EFCAB11: variants seen among roughly 807,000 people sequenced by gnomAD.
The protein encoded by EFCAB11 is EF-hand calcium-binding domain-containing protein 11.
EFCAB11 carries 14 observed loss-of-function variants against 23.0 expected under a neutral mutation model. The observed-to-expected ratio is 0.61, with a 90% CI of 0.40 to 0.95. The LOEUF (loss-of-function observed/expected upper bound fraction) is 0.95, where lower values mean the gene tolerates loss of function less well. Among genes scored for constraint, EFCAB11 ranks in the 40% least tolerant of loss-of-function variants. EFCAB11 has a pLI of 0.00. For synonymous variants in EFCAB11, 65 were observed against 66.6 expected (o/e 0.98, Z 0.11); for missense variants, 198 against 195.8 (o/e 1.01, Z -0.07).
intron 5 of EFCAB11, among the ~76,000 whole-genome samples, chr14:89,860,129 C>T (rs1330093487): frequency 2.6e-5 from 4 of 151,978 alleles, no homozygotes; most frequent in African/African-American, 4.8e-5. Context: ...TTTGGGAGGC[C>T]GAGGCAGGTG....
intron 5 of EFCAB11, among the ~76,000 whole-genome samples, chr14:89,904,656 A>G (rs1007729213): frequency 6.6e-4 from 100 of 152,234 alleles, no homozygotes; most frequent in African/African-American, 2.1e-3. Context: ...TGACTTTTTA[A>G]TGATCGCCAT....
At chr14:89,928,727 TG>T (rs1261445417) in intron 5 of EFCAB11, among the ~76,000 whole-genome samples, 1 of 145,286 alleles carries the variant, frequency 6.9e-6, no homozygotes, top group East Asian at 2.0e-4. Flanking sequence ...TATATAATTC[TG>T]TTGTATATAA....
At chr14:89,935,397 G>GT (rs60594341) in intron 3 of EFCAB11, among the ~76,000 whole-genome samples, 51,670 of 135,688 alleles carry the variant, frequency 0.38, 12,039 homozygotes, top group Non-Finnish European at 0.53. Flanking sequence ...ATGCATGTGG[G>GT]TTTTTTTTTT....
intron 5 of EFCAB11, among the ~76,000 whole-genome samples, chr14:89,814,307 C>T (rs1033721848): frequency 7.9e-5 from 12 of 152,228 alleles, no homozygotes; most frequent in African/African-American, 2.4e-4. Context: ...CGGTCTGGTC[C>T]GCTGGGACAA....
intron 5 of EFCAB11, among the ~76,000 whole-genome samples, chr14:89,909,100 G>C (rs867387791): frequency 6.6e-6 from 1 of 152,214 alleles, no homozygotes; most frequent in African/African-American, 2.4e-5. Context: ...GCTAGAGAAA[G>C]GGAGCTGATG....
intron 3 of EFCAB11, among the ~76,000 whole-genome samples, chr14:89,935,842 C>T (rs1011149973): frequency 9.9e-5 from 15 of 152,046 alleles, no homozygotes; most frequent in African/African-American, 3.6e-4. Context: ...AACCTATCTC[C>T]ACTAAAAATA....
intron 5 of EFCAB11, among the ~76,000 whole-genome samples, chr14:89,902,038 T>G (rs1042832102): frequency 3.9e-5 from 6 of 151,978 alleles, no homozygotes; most frequent in African/African-American, 1.5e-4. Flanking sequence ...AAGAAAGAGG[T>G]AGCACCCATG....
intron 5 of EFCAB11, among the ~76,000 whole-genome samples, chr14:89,864,718 C>T (rs1385181766): frequency 2.0e-5 from 3 of 152,146 alleles, no homozygotes; most frequent in Admixed American, 6.5e-5. Context: ...GGATTACAGG[C>T]GTGAGCCACT....
intron 5 of EFCAB11, among the ~76,000 whole-genome samples, chr14:89,804,735 C>T (rs943039412): frequency 2.6e-5 from 4 of 152,134 alleles, no homozygotes; most frequent in African/African-American, 7.2e-5. Flanking sequence ...CAGACTATTC[C>T]TCTACTTGCA....
chr14:89,851,179 C>G (rs1053745786), intron 5 of EFCAB11, among the ~76,000 whole-genome samples: 1 of 152,206 alleles, frequency 6.6e-6, no homozygotes, highest in African/African-American at 2.4e-5. Context: ...ATAGGACATT[C>G]CTATTTGGCC....
chr14:89,902,888 G>A (rs1184359364), intron 5 of EFCAB11, among the ~76,000 whole-genome samples: 2 of 152,054 alleles, frequency 1.3e-5, no homozygotes, highest in Non-Finnish European at 2.9e-5. Context: ...TACTTTTCTA[G>A]CAATGATATT....
At chr14:89,922,874 T>C (rs947930471) in intron 5 of EFCAB11, among the ~76,000 whole-genome samples, 4 of 152,110 alleles carry the variant, frequency 2.6e-5, no homozygotes, top group East Asian at 1.9e-4. Context: ...AATTTCCTTT[T>C]TGGGGGTTGC....
intron 3 of EFCAB11, among the ~76,000 whole-genome samples, chr14:89,939,890 C>A (rs923086846): frequency 2.6e-5 from 4 of 152,146 alleles, no homozygotes; most frequent in African/African-American, 4.8e-5. Context: ...AGGCACCCAC[C>A]ACCACGCCCA....
intron 5 of EFCAB11, among the ~76,000 whole-genome samples, chr14:89,908,852 G>T (rs1348203274): frequency 6.6e-6 from 1 of 152,172 alleles, no homozygotes; most frequent in African/African-American, 2.4e-5. Flanking sequence ...GGCTGAGCAG[G>T]AAGAGCCAAC....
At chr14:89,952,162 G>A (rs1047201988) in intron 2 of EFCAB11, among the ~76,000 whole-genome samples, 4 of 152,168 alleles carry the variant, frequency 2.6e-5, no homozygotes, top group African/African-American at 9.7e-5. Context: ...GTTTATAGGT[G>A]ACATGCTATT....
At chr14:89,909,173 T>C (rs547328293) in intron 5 of EFCAB11, among the ~76,000 whole-genome samples, 1 of 151,962 alleles carries the variant, frequency 6.6e-6, no homozygotes, top group Admixed American at 6.5e-5. Flanking sequence ...CACTGTGGAG[T>C]TAAAGAGAAG....
chr14:89,887,028 GTT>G (rs1004317641), intron 5 of EFCAB11, among the ~76,000 whole-genome samples: 1 of 152,114 alleles, frequency 6.6e-6, no homozygotes, highest in Non-Finnish European at 1.5e-5. Context: ...TAAACAGATT[GTT>G]TTTATAGTCT....
At chr14:89,822,860 C>A (rs941620070) in intron 5 of EFCAB11, among the ~76,000 whole-genome samples, 1 of 152,144 alleles carries the variant, frequency 6.6e-6, no homozygotes, top group African/African-American at 2.4e-5. Flanking sequence ...ACTATCCTAA[C>A]AAAGCTTATA....
At chr14:89,932,775 T>C in intron 3 of EFCAB11, 148 bp from the exon 4 acceptor site, 1 of 667,548 alleles carries the variant, frequency 1.5e-6, no homozygotes, top group Non-Finnish European at 2.5e-6. Context: ...ATCTGTGAAG[T>C]TTCCTGAAGA....
Sources: gnomAD v4.1 joint callset for allele counts (sites outside exome capture counted in the v4.1 genomes callset) on GRCh38, gnomAD v4.1.1 for gene constraint, MANE v1.5 for transcripts, NCBI Gene and HGNC (gene_info 2026-07-23, HGNC 2026-07-21) for gene names.